CFAP44: variants seen among roughly 807,000 people sequenced by gnomAD.
The protein encoded by CFAP44 is cilia- and flagella-associated protein 44.
A neutral mutation model predicts 216.2 loss-of-function variants in CFAP44; 134 were observed. The ratio of observed to expected loss-of-function variants is 0.62; its 90% CI spans 0.54 to 0.72. The LOEUF (loss-of-function observed/expected upper bound fraction) is 0.72, where lower values mean the gene tolerates loss of function less well. CFAP44 is among the 30% of genes least tolerant of loss of function. The pLI is 0.00. For missense variants in CFAP44, 2,035 were observed against 2,182.1 expected (o/e 0.93, Z 1.34); for synonymous variants, 700 against 727.6 (o/e 0.96, Z 0.61).
intron 6 of CFAP44, among the ~76,000 whole-genome samples, chr3:113,415,288 T>A (rs1364861171): frequency 6.6e-6 from 1 of 152,166 alleles, no homozygotes; most frequent in Non-Finnish European, 1.5e-5. Flanking sequence ...GGTGTACCTA[T>A]GTTGTTAATT....
intron 15 of CFAP44, among the ~76,000 whole-genome samples, chr3:113,392,244 GCAA>G (rs1301841681): frequency 6.6e-6 from 1 of 152,156 alleles, no homozygotes; most frequent in East Asian, 1.9e-4. Flanking sequence ...CCTATGATTT[GCAA>G]CAACCTGGAT....
intron 22 of CFAP44, among the ~76,000 whole-genome samples, chr3:113,351,688 GACA>G (rs1950446571): frequency 6.6e-6 from 1 of 152,180 alleles, no homozygotes; most frequent in African/African-American, 2.4e-5. Flanking sequence ...TCTGAAATCA[GACA>G]ACGCCTTTCA....
At chr3:113,375,681 C>T (rs575883782) in intron 17 of CFAP44, among the ~76,000 whole-genome samples, 1 of 152,232 alleles carries the variant, frequency 6.6e-6, no homozygotes, top group South Asian at 2.1e-4. Context: ...TTTAACCACG[C>T]GTGTTGGCAC....
At position 113,330,664 on chromosome 3, in the gene CFAP44, T is replaced by A; in HGVS notation, c.3620A>T (p.His1207Leu). The change falls in exon 26 of 35, where the codon CAT becomes CTT. Residue 1207 changes from histidine (H) to leucine (L), a missense_variant. Physicochemically the swap from His to Leu is moderately conservative, Grantham distance 99 (BLOSUM62 -3). Coordinates refer to ENST00000393845, the MANE Select transcript of CFAP44 (RefSeq NM_001164496.2). ...EELGHLDSLVHGNKRHMNKCI... is the reference protein window; with the variant it reads ...EELGHLDSLVLGNKRHMNKCI... ...CTTGTTCATGTGCCTTTTATTTCCA[T>A]GGACCTGAAAAAAAGAAGAGGAAGG... 4 of 1,526,952 alleles carry A rather than the reference T, an allele frequency of 2.6e-6. No individual in the cohort carries two copies. The highest frequency in any genetic ancestry group is 3.5e-6 in the Non-Finnish European group (4 of 1,143,406). The allele number at this position is 1,526,952 out of a possible 1,614,324, so 94.6% of individuals were successfully genotyped here. A position where few individuals can be genotyped will look rare whatever the true frequency, so the allele number is the denominator to read the frequency against.
At position 113,395,870 on chromosome 3, in the gene CFAP44, A is replaced by C. The variant is rs988467199; in HGVS notation, c.1780-10T>G. ...CAGTTTGATCTTTACTCTAAGGAAA[A>C]AGAGACACACCGACGAAATATATAT... On this transcript the variant is annotated splice_polypyrimidine_tract_variant and intron_variant, in intron 14 of 34. Coordinates refer to ENST00000393845, the MANE Select transcript of CFAP44 (RefSeq NM_001164496.2). 2 of 1,597,814 alleles carry C rather than the reference A, an allele frequency of 1.3e-6. No homozygotes were observed. Among genetic ancestry groups the C allele is most frequent in the Non-Finnish European group, 1.7e-6 (2 of 1,167,870 alleles).
chr3:113,299,586 C>T (rs1354542513), intron 32 of CFAP44, among the ~76,000 whole-genome samples: 1 of 152,122 alleles, frequency 6.6e-6, no homozygotes, highest in East Asian at 1.9e-4. Flanking sequence ...GAAAGGAAAT[C>T]AGTATATTGA....
intron 7 of CFAP44, among the ~76,000 whole-genome samples, chr3:113,408,028 CAGA>C (rs1164337566): frequency 6.6e-5 from 10 of 152,218 alleles, no homozygotes; most frequent in African/African-American, 2.2e-4. Flanking sequence ...ATATAGCTAG[CAGA>C]AGGTTATTTG....
At chr3:113,335,576 CAAA>C (rs1950275400) in intron 24 of CFAP44, among the ~76,000 whole-genome samples, 1 of 152,136 alleles carries the variant, frequency 6.6e-6, no homozygotes, top group Non-Finnish European at 1.5e-5. Flanking sequence ...AACTGTAGAA[CAAA>C]TAATTCTCAT....
intron 3 of CFAP44, 151 bp from the exon 4 acceptor site, chr3:113,426,428 C>G (rs1462237414): frequency 1.3e-6 from 1 of 766,450 alleles, no homozygotes; most frequent in Non-Finnish European, 2.0e-6. Context: ...TACCTCCATG[C>G]TGTTCTCATG....
intron 4 of CFAP44, 80 bp downstream of exon 4, chr3:113,426,044 C>A: frequency 6.6e-7 from 1 of 1,514,734 alleles, no homozygotes; most frequent in Non-Finnish European, 8.9e-7. Context: ...CACATTTGGG[C>A]TCCCTGGGCT....
intron 24 of CFAP44, among the ~76,000 whole-genome samples, chr3:113,339,276 T>C (rs912000407): frequency 1.3e-5 from 2 of 152,174 alleles, no homozygotes; most frequent in Non-Finnish European, 2.9e-5. Context: ...ACACTCCAGC[T>C]GGGGGTGGTG....
At chr3:113,367,336 G>A (rs1312272483) in intron 18 of CFAP44, among the ~76,000 whole-genome samples, 3 of 152,172 alleles carry the variant, frequency 2.0e-5, no homozygotes, top group African/African-American at 4.8e-5. Context: ...ACAGGCGGGT[G>A]CCCTTCTGGG....
Position 113,344,589 on chromosome 3 carries a change from T to C in CFAP44, c.3189A>G (p.Ser1063=), listed in dbSNP as rs1406561333. The C allele has an allele frequency of 6.5e-7, 1 of 1,537,044 alleles. No homozygotes were observed. The highest frequency in any genetic ancestry group is 8.7e-7 in the Non-Finnish European group (1 of 1,146,880). ...KYSKFKRASQ[S]ERKPSKLDRF... is the part of the protein sequence containing the mutation. The stretch of plus-strand genomic sequence containing the variant: ...TGTCCAATTTGCTTGGTTTTCTCTC[T>C]GATTGACTAGCTCGTTTGAATTTGG... Residue 1063 remains serine (S), a synonymous_variant, in exon 23 of 35, where the codon TCA becomes TCG. Transcript: ENST00000393845.
At position 113,441,466 on chromosome 3, in the gene CFAP44, C is replaced by G; in HGVS notation, c.-19G>C. 1.6e-5 allele frequency: 16 copies of G among 984,500 alleles called. No individual in the cohort carries two copies. The highest frequency in any genetic ancestry group is 1.9e-5 in the Non-Finnish European group (16 of 830,002). The allele number at this position is 984,500 out of a possible 1,614,324, so 61.0% of individuals were successfully genotyped here. ...GTCCAAACTCACCGAAGGTACTGAC[C>G]GCCGCGGCTCCTCTCTTCACAGCGT... On this transcript the variant is annotated 5_prime_UTR_variant, in exon 1 of 35. Transcript: ENST00000393845.
At position 113,409,006 on chromosome 3, in the gene CFAP44, C is replaced by CAAAAAAAA. The variant is rs56301009; in HGVS notation, c.890+92_890+99dup. 2.3e-4 allele frequency: 75 copies of CAAAAAAAA among 319,520 alleles called. 1 individual carries two copies. Among genetic ancestry groups the CAAAAAAAA allele is most frequent in the African/African-American group, 5.6e-4 (16 of 28,700 alleles). 19.8% of individuals were successfully genotyped at this position (319,520 alleles called of 1,614,324 possible). A position where few individuals can be genotyped will look rare whatever the true frequency, so the allele number is the denominator to read the frequency against. On this transcript the variant is annotated intron_variant, in intron 7 of 34. Transcript: ENST00000393845. ...ATAATTCTAATGTTAACCAAAACAGCAAAAAAAAAAAAAAAAAAAAAAAGT... is the reference window on the plus strand; with the variant it reads ...ATAATTCTAATGTTAACCAAAACAGCAAAAAAAAAAAAAAAAAAAAAAAAAAAAAAAGT...
intron 26 of CFAP44, among the ~76,000 whole-genome samples, chr3:113,328,655 G>C (rs1377646071): frequency 7.6e-6 from 1 of 131,364 alleles, no homozygotes; most frequent in Non-Finnish European, 1.6e-5. Context: ...AGAGATCTGT[G>C]GGTTTGGAGC....
rs114672211 is a variant in CFAP44 at position 113,319,955 on chromosome 3, T to A, written c.4516+6490A>T. Among the ~76,000 whole-genome samples the A allele has an allele frequency of 8.4e-3, 1,286 of 152,196 alleles. 23 individuals are homozygous for A. Among genetic ancestry groups the A allele is most frequent in the African/African-American group, 0.029 (1,218 of 41,526 alleles). The stretch of plus-strand genomic sequence containing the variant: ...ATTATGAACACTTCTGAGACTATTA[T>A]GAACACTTCTATGCACACAAACCAG... On this transcript the variant is annotated intron_variant, in intron 28 of 34. Transcript: ENST00000393845.
chr3:113,373,026 T>C (rs1394669086), intron 18 of CFAP44, among the ~76,000 whole-genome samples: 1 of 152,196 alleles, frequency 6.6e-6, no homozygotes, highest in Non-Finnish European at 1.5e-5. Flanking sequence ...TTATATTGGG[T>C]CGTCAGAAGA....
rs1438016747 is a variant in CFAP44, at chr3:113,296,710, C to G, written c.5238+15G>C. ...GCCAGATTCAACCAAAGATCAACCC[C>G]CTTCTCTTCCTTACCTCCCACATCT... On this transcript the variant is annotated intron_variant, in intron 33 of 34. Transcript: ENST00000393845. 6.5e-6 allele frequency: 10 copies of G among 1,535,336 alleles called. No individual in the cohort carries two copies. The highest frequency in any genetic ancestry group is 1.4e-5 in the African/African-American group (1 of 72,968).
Sources: allele counts gnomAD v4.1 joint callset (sites outside exome capture counted in the v4.1 genomes callset), GRCh38; gene constraint gnomAD v4.1.1; transcripts MANE v1.5; gene names NCBI Gene and HGNC (gene_info 2026-07-23, HGNC 2026-07-21).